The following EYS variants were observed in gnomAD, a reference collection of about 807,000 sequenced individuals.
EYS encodes the protein protein eyes shut homolog.
EYS carries 250 observed loss-of-function variants against 282.1 expected under a neutral mutation model. That is an observed-to-expected ratio of 0.89 (90% CI 0.80 to 0.98). The LOEUF is 0.98. Ranked by LOEUF, EYS falls within the 50% of genes least tolerant of loss-of-function variation. The probability of loss-of-function intolerance (pLI) is 0.00; values close to 1 mark genes in which losing one functional copy is unlikely to be tolerated. For synonymous variants in EYS, 1,355 were observed against 1,282.9 expected (o/e 1.06, Z -1.20); for missense variants, 4,016 against 3,709.0 (o/e 1.08, Z -2.15).
chr6:63,962,809 C>T (rs1247896623), intron 35 of EYS, among the ~76,000 whole-genome samples: 1 of 152,062 alleles, frequency 6.6e-6, no homozygotes, highest in Non-Finnish European at 1.5e-5. Flanking sequence ...CACATGCGCA[C>T]GTATGTTTAT....
intron 2 of EYS, among the ~76,000 whole-genome samples, chr6:65,615,683 C>T (rs977588194): frequency 6.6e-6 from 1 of 151,856 alleles, no homozygotes; most frequent in African/African-American, 2.4e-5. Flanking sequence ...GCCTGTAATC[C>T]CAGCACTTTG....
intron 24 of EYS, among the ~76,000 whole-genome samples, chr6:64,615,846 G>A (rs1466003307): frequency 6.6e-6 from 1 of 152,016 alleles, no homozygotes; most frequent in Non-Finnish European, 1.5e-5. Context: ...TTACTAAAAT[G>A]TAAATGCATT....
chr6:65,366,357 A>G (rs1435400461), intron 8 of EYS, among the ~76,000 whole-genome samples: 1 of 151,736 alleles, frequency 6.6e-6, no homozygotes, highest in Non-Finnish European at 1.5e-5. Context: ...GAGATATGCA[A>G]CTAACTAAAC....
intron 12 of EYS, among the ~76,000 whole-genome samples, chr6:65,253,866 C>A (rs969197762): frequency 6.6e-6 from 1 of 151,640 alleles, no homozygotes; most frequent in African/African-American, 2.4e-5. Flanking sequence ...AATATCCTAT[C>A]TTTTTCTGAT....
At chr6:64,543,584 G>A (rs1461542514) in intron 26 of EYS, among the ~76,000 whole-genome samples, 1 of 152,012 alleles carries the variant, frequency 6.6e-6, no homozygotes, top group Non-Finnish European at 1.5e-5. Flanking sequence ...ATCACAAAAT[G>A]TTTGCTAGTA....
At chr6:64,227,875 ATATAAG>A (rs1408584939) in intron 31 of EYS, among the ~76,000 whole-genome samples, 1 of 152,068 alleles carries the variant, frequency 6.6e-6, no homozygotes, top group South Asian at 2.1e-4. Context: ...AGTTATATAA[ATATAAG>A]TATAATAAAT....
chr6:64,536,248 C>T (rs1665553514), intron 26 of EYS, among the ~76,000 whole-genome samples: 1 of 151,976 alleles, frequency 6.6e-6, no homozygotes, highest in Non-Finnish European at 1.5e-5. Context: ...AGTCCTCTTA[C>T]CTGCTTCGGG....
In EYS at chr6:64,393,460, T is replaced by C. The variant is rs575200726; in HGVS notation, c.5928-4620A>G. On this transcript the variant is annotated intron_variant, in intron 28 of 42. Transcript: ENST00000503581. Reference sequence around the variant, plus strand: ...GATCAAGTGGGCTTGATCCCTGGGATGCAAGGCTGGTTCAACACATGCAAA... The same window carrying C: ...GATCAAGTGGGCTTGATCCCTGGGACGCAAGGCTGGTTCAACACATGCAAA... 5.3e-5 allele frequency among the ~76,000 whole-genome samples: 8 copies of C among 152,332 alleles called. No individual in the cohort carries two copies. In the South Asian group the frequency reaches 6.2e-4, roughly 12 times the overall value.
chr6:65,235,632 C>T (rs1245249901), intron 12 of EYS, among the ~76,000 whole-genome samples: 1 of 152,090 alleles, frequency 6.6e-6, no homozygotes, highest in Admixed American at 6.5e-5. Flanking sequence ...GAACAAGTCG[C>T]TAATCTTCAG....
chr6:65,462,939 G>T (rs1764870122), intron 5 of EYS, among the ~76,000 whole-genome samples: 1 of 151,832 alleles, frequency 6.6e-6, no homozygotes, highest in African/African-American at 2.4e-5. Flanking sequence ...GATTTCCAAG[G>T]TATTCAAAAT....
At chr6:65,361,381 C>T (rs1458442673) in intron 8 of EYS, among the ~76,000 whole-genome samples, 1 of 151,788 alleles carries the variant, frequency 6.6e-6, no homozygotes, top group African/African-American at 2.4e-5. Context: ...AAGAAATACT[C>T]ATATATGGAT....
At chr6:64,791,655 T>G (rs1467297310) in intron 22 of EYS, among the ~76,000 whole-genome samples, 1 of 151,878 alleles carries the variant, frequency 6.6e-6, no homozygotes, top group Non-Finnish European at 1.5e-5. Flanking sequence ...CTACAACCAT[T>G]TTTGTATTGT....
intron 13 of EYS, among the ~76,000 whole-genome samples, chr6:65,051,399 T>C (rs568500811): frequency 1.3e-5 from 2 of 151,652 alleles, no homozygotes; most frequent in Admixed American, 1.3e-4. Flanking sequence ...CATTTAAAAA[T>C]CTGAATTGTG....
chr6:64,525,118 ATTCCTC>A (rs1335239632), intron 26 of EYS, among the ~76,000 whole-genome samples: 2 of 151,808 alleles, frequency 1.3e-5, no homozygotes, highest in African/African-American at 4.8e-5. Context: ...CAGTATGGCA[ATTCCTC>A]AAAGAGCTAA....
chr6:65,337,361 T>TTGAG (rs1238367577), intron 10 of EYS, among the ~76,000 whole-genome samples: 1 of 151,464 alleles, frequency 6.6e-6, no homozygotes, highest in East Asian at 1.9e-4. Context: ...TCATTTCTGT[T>TTGAG]TGAGTATGTA....
At chr6:65,218,327 T>A (rs865807700) in intron 12 of EYS, among the ~76,000 whole-genome samples, 14 of 151,974 alleles carry the variant, frequency 9.2e-5, no homozygotes, top group African/African-American at 1.7e-4. Flanking sequence ...GGAAAAAAAA[T>A]TTAGTTATTG....
intron 12 of EYS, among the ~76,000 whole-genome samples, chr6:65,290,315 TG>T (rs1768488490): frequency 6.6e-6 from 1 of 150,958 alleles, no homozygotes; most frequent in Non-Finnish European, 1.5e-5. Flanking sequence ...AATAAGTTCT[TG>T]AAAATAACAA....
intron 13 of EYS, among the ~76,000 whole-genome samples, chr6:65,013,297 C>G (rs578217824): frequency 4.6e-4 from 70 of 152,258 alleles, no homozygotes; most frequent in Admixed American, 1.0e-3. Flanking sequence ...TTGCAGAACA[C>G]ACATGAATTC....
chr6:65,683,358 G>A (rs1223090576), intron 1 of EYS, among the ~76,000 whole-genome samples: 1 of 148,800 alleles, frequency 6.7e-6, no homozygotes, highest in Non-Finnish European at 1.5e-5. Context: ...GGTTACTCCA[G>A]CAATGAAAAA....
Sources: allele counts gnomAD v4.1 joint callset (sites outside exome capture counted in the v4.1 genomes callset), GRCh38; gene constraint gnomAD v4.1.1; transcripts MANE v1.5; gene names NCBI Gene and HGNC (gene_info 2026-07-23, HGNC 2026-07-21).